The following TBC1D22A variants were observed in gnomAD, a reference collection of about 807,000 sequenced individuals.
TBC1D22A encodes the protein TBC1 domain family member 22A.
TBC1D22A carries 38 observed loss-of-function variants against 60.2 expected under a neutral mutation model. That is an observed-to-expected ratio of 0.63 (90% CI 0.49 to 0.83). The LOEUF is 0.83. Ranked by LOEUF, TBC1D22A falls within the 40% of genes least tolerant of loss-of-function variation. TBC1D22A has a pLI of 0.00. For missense variants in TBC1D22A, 628 were observed against 701.0 expected (o/e 0.90, Z 1.18); for synonymous variants, 302 against 281.7 (o/e 1.07, Z -0.72).
intron 10 of TBC1D22A, among the ~76,000 whole-genome samples, chr22:47,031,544 C>A (rs1043739538): frequency 1.3e-5 from 2 of 152,156 alleles, no homozygotes; most frequent in Admixed American, 1.3e-4. Flanking sequence ...TGGGCTTTGC[C>A]CTGAGGAGGG....
intron 8 of TBC1D22A, among the ~76,000 whole-genome samples, chr22:46,964,757 C>G (rs568798199): frequency 6.6e-6 from 1 of 152,122 alleles, no homozygotes; most frequent in Non-Finnish European, 1.5e-5. Context: ...TGAAATGTAT[C>G]GGTTCTGGAT....
intron 12 of TBC1D22A, among the ~76,000 whole-genome samples, chr22:47,160,423 C>G (rs1019567290): frequency 3.3e-5 from 5 of 152,106 alleles, no homozygotes; most frequent in African/African-American, 1.2e-4. Flanking sequence ...ACGTCCTGGT[C>G]CTGGTCAGCG....
chr22:47,010,978 T>A (rs1300424883), intron 10 of TBC1D22A, among the ~76,000 whole-genome samples: 1 of 152,234 alleles, frequency 6.6e-6, no homozygotes, highest in Non-Finnish European at 1.5e-5. Flanking sequence ...CTAGCATTGA[T>A]TCAGTGCCTG....
chr22:47,109,598 A>C (rs1323359235), intron 11 of TBC1D22A, among the ~76,000 whole-genome samples: 1 of 152,092 alleles, frequency 6.6e-6, no homozygotes, highest in Non-Finnish European at 1.5e-5. Flanking sequence ...AAGTGTCTTA[A>C]ACTTGGCAGT....
At chr22:46,948,499 A>G (rs991882320) in intron 8 of TBC1D22A, among the ~76,000 whole-genome samples, 2 of 152,344 alleles carry the variant, frequency 1.3e-5, no homozygotes, top group East Asian at 3.9e-4. Context: ...GGTTGCAGTC[A>G]TGAGCTTTGC....
chr22:46,969,314 C>T lies in TBC1D22A; in HGVS notation c.1016-4976C>T, dbSNP rs138249897. On this transcript the variant is annotated intron_variant, in intron 8 of 12. Transcript: ENST00000337137. Reference sequence around the variant, plus strand: ...ATAGTGCAAATTTCCCGCCCCACTCCCCCCACCTTGCAGGAGTGTTCAGAC... The same window carrying T: ...ATAGTGCAAATTTCCCGCCCCACTCTCCCCACCTTGCAGGAGTGTTCAGAC... Among the ~76,000 whole-genome samples, 449 of 152,296 alleles carry T rather than the reference C, an allele frequency of 2.9e-3. 4 individuals carry two copies. Among genetic ancestry groups the T allele is most frequent in the African/African-American group, 0.01 (416 of 41,552 alleles).
chr22:46,971,557 G>T (rs1441552824), intron 8 of TBC1D22A, among the ~76,000 whole-genome samples: 3 of 152,224 alleles, frequency 2.0e-5, no homozygotes, highest in African/African-American at 7.2e-5. Flanking sequence ...TTCCCAGGGA[G>T]GAAGTGATGC....
At chr22:47,001,783 A>G (rs1875783365) in intron 10 of TBC1D22A, among the ~76,000 whole-genome samples, 1 of 152,320 alleles carries the variant, frequency 6.6e-6, no homozygotes, top group East Asian at 1.9e-4. Context: ...TTTCTGAAAA[A>G]TTCTCGAAAC....
chr22:47,026,250 G>A (rs1035024723), intron 10 of TBC1D22A, among the ~76,000 whole-genome samples: 3 of 152,190 alleles, frequency 2.0e-5, no homozygotes, highest in South Asian at 2.1e-4. Flanking sequence ...GAGCATGTTC[G>A]ATGTTTAAAC....
rs150219898 is a variant in TBC1D22A, at chr22:46,815,307, G to A, written c.637+17687G>A. Among the ~76,000 whole-genome samples the A allele has an allele frequency of 1.4e-3, 209 of 152,308 alleles. 1 individual carries two copies. The highest frequency in any genetic ancestry group is 4.7e-3 in the African/African-American group (197 of 41,570). ...CTCGTGTTGTCTTGCTTGTCCCTGC[G>A]GTTCCCTGCTGGCCCCATGCAGTTT... is the stretch of plus-strand genomic sequence containing the variant. On this transcript the variant is annotated intron_variant, in intron 4 of 12. Coordinates refer to ENST00000337137, the MANE Select transcript of TBC1D22A (RefSeq NM_014346.5).
At chr22:47,026,331 A>G (rs1186630348) in intron 10 of TBC1D22A, among the ~76,000 whole-genome samples, 1 of 152,234 alleles carries the variant, frequency 6.6e-6, no homozygotes, top group Non-Finnish European at 1.5e-5. Context: ...AACCTGGGAC[A>G]GTGTTCCTTC....
chr22:47,118,642 A>G (rs2066158517), intron 12 of TBC1D22A, among the ~76,000 whole-genome samples: 1 of 152,228 alleles, frequency 6.6e-6, no homozygotes, highest in South Asian at 2.1e-4. Context: ...AAATGAATAG[A>G]TTAGAAGACA....
At chr22:47,090,795 T>G (rs2064895822) in intron 11 of TBC1D22A, among the ~76,000 whole-genome samples, 4 of 115,914 alleles carry the variant, frequency 3.5e-5, no homozygotes, top group Admixed American at 1.9e-4. Flanking sequence ...TGGTGGGGAG[T>G]GGCCTCGCGG....
intron 10 of TBC1D22A, among the ~76,000 whole-genome samples, chr22:47,005,827 A>G (rs1371534792): frequency 6.6e-6 from 1 of 150,882 alleles, no homozygotes; most frequent in East Asian, 2.0e-4. Context: ...CACACCCCCC[A>G]TACACATACA....
At chr22:47,171,110 A>C (rs1217574797) in intron 12 of TBC1D22A, among the ~76,000 whole-genome samples, 1 of 152,176 alleles carries the variant, frequency 6.6e-6, no homozygotes, top group East Asian at 1.9e-4. Flanking sequence ...AGAGCCTGCC[A>C]TCCTTATCTC....
chr22:46,853,369 T>C (rs2087389549), intron 4 of TBC1D22A, among the ~76,000 whole-genome samples: 1 of 152,236 alleles, frequency 6.6e-6, no homozygotes, highest in Non-Finnish European at 1.5e-5. Flanking sequence ...GATGTTCTAC[T>C]CAACCGTACC....
intron 12 of TBC1D22A, among the ~76,000 whole-genome samples, chr22:47,133,958 C>T (rs1390536254): frequency 6.6e-6 from 1 of 152,114 alleles, no homozygotes; most frequent in Non-Finnish European, 1.5e-5. Flanking sequence ...GCATTTCAAC[C>T]TCAGGACTTA....
In TBC1D22A at chr22:46,891,327, A is replaced by T. The variant is rs1406559078; in HGVS notation, c.770A>T (p.Tyr257Phe). 6.2e-7 allele frequency: 1 copy of T among 1,613,578 alleles called. No homozygotes were observed. The highest frequency in any genetic ancestry group is 8.5e-7 in the Non-Finnish European group (1 of 1,179,882). ...PATLQRKQKE[Y>F]FAFIEHYYDS... ...ACTCTCCAGAGAAAACAAAAAGAAT[A>T]TTTTGCATTTATTGAGCACTATTAC... Residue 257 changes from tyrosine to phenylalanine, a missense_variant, in exon 6 of 13, where the codon TAT becomes TTT. Coordinates refer to ENST00000337137, the MANE Select transcript of TBC1D22A (RefSeq NM_014346.5).
At chr22:46,864,874 G>A (rs1384396039) in intron 4 of TBC1D22A, among the ~76,000 whole-genome samples, 3 of 152,170 alleles carry the variant, frequency 2.0e-5, no homozygotes, top group South Asian at 2.1e-4. Context: ...GTGCAGTGGC[G>A]TGATCGACCG....
Sources: gnomAD v4.1 joint callset for allele counts (sites outside exome capture counted in the v4.1 genomes callset) on GRCh38, gnomAD v4.1.1 for gene constraint, MANE v1.5 for transcripts, NCBI Gene and HGNC (gene_info 2026-07-23, HGNC 2026-07-21) for gene names.